DEXI: variants seen among roughly 807,000 people sequenced by gnomAD.
DEXI encodes dexamethasone-induced protein.
DEXI carries 2 observed loss-of-function variants against 2.5 expected under a neutral mutation model. The observed-to-expected ratio is 0.81, with a 90% confidence interval of 0.33 to 2.55. The LOEUF (loss-of-function observed/expected upper bound fraction) is 2.55. Ranked by LOEUF, DEXI falls within the 30% of genes most tolerant of loss-of-function variation. DEXI has a pLI of 0.11. For synonymous variants in DEXI, 71 were observed against 68.7 expected, an observed-to-expected ratio of 1.03 and a Z score of -0.17; for missense variants, 108 against 130.3, an observed-to-expected ratio of 0.83 and a Z score of 0.83.
rs2040669256 is a variant in DEXI, at chr16:10,929,241, T to C, written c.*468A>G. The C allele has an allele frequency of 2.0e-6, 2 of 985,890 alleles. No homozygotes were observed. Among genetic ancestry groups the C allele is most frequent in the Non-Finnish European group, 2.4e-6 (2 of 829,956 alleles). 61.1% of individuals were successfully genotyped at this position (985,890 alleles called of 1,614,324 possible). On this transcript the variant is annotated 3_prime_UTR_variant, in exon 2 of 2. Transcript: ENST00000331808. This position sits in a 1 kb window ranked among gnomAD's most constrained non-coding sequence, Gnocchi z 4.3. The stretch of plus-strand genomic sequence containing the variant: ...CATCAAACGGAGCTGGGAGTCGCTT[T>C]TGCGTGTGTCCGCAGTTTGAAGTGT...
Position 10,929,642 on chromosome 16 carries a change from C to A in DEXI, c.*150-83G>T. 1.1e-6 allele frequency: 1 copy of A among 888,148 alleles called. No individual in the cohort carries two copies. Among genetic ancestry groups the A allele is most frequent in the Non-Finnish European group, 1.3e-6 (1 of 741,324 alleles). 55.0% of individuals were successfully genotyped at this position (888,148 alleles called of 1,614,324 possible). ...TGGCTGGGGACAGGGACCAATCCACCAGGCTCGGGAGGCTTGGGGTGGGGC... is the reference window on the plus strand; with the variant it reads ...TGGCTGGGGACAGGGACCAATCCACAAGGCTCGGGAGGCTTGGGGTGGGGC... On this transcript the variant is annotated intron_variant, in intron 1 of 1. Transcript: ENST00000331808. The surrounding 1 kb of genome is among the most constrained non-coding windows in gnomAD (Gnocchi z 4.3).
chr16:10,932,455 T>G (rs932981635), intron 1 of DEXI: 2 of 152,102 alleles, frequency 1.3e-5, no homozygotes, highest in African/African-American at 2.4e-5. Context: ...ACACAGCTCA[T>G]AAATGGCAGA....
At chr16:10,930,510 T>A (rs1185737487) in intron 1 of DEXI, 1 of 152,168 alleles carries the variant, frequency 6.6e-6, no homozygotes, top group African/African-American at 2.4e-5. Context: ...GACCCATGCA[T>A]CGTATAGGAT....
At chr16:10,935,671 C>T (rs2040995467) in intron 1 of DEXI, 2 of 152,194 alleles carry the variant, frequency 1.3e-5, no homozygotes, top group Admixed American at 1.3e-4. Context: ...TTAACATCGC[C>T]AGAAAGGGGA....
chr16:10,929,229 T>G lies in DEXI; in HGVS notation c.*480A>C. On this transcript the variant is annotated 3_prime_UTR_variant, in exon 2 of 2. Coordinates refer to ENST00000331808, the MANE Select transcript of DEXI (RefSeq NM_014015.4). This position sits in a 1 kb window ranked among gnomAD's most constrained non-coding sequence, Gnocchi z 4.3. ...AGGCTCAACTCACATCAAACGGAGCTGGGAGTCGCTTTTGCGTGTGTCCGC... is the reference window on the plus strand; with the variant it reads ...AGGCTCAACTCACATCAAACGGAGCGGGGAGTCGCTTTTGCGTGTGTCCGC... 1 of 985,898 alleles carries G rather than the reference T, an allele frequency of 1.0e-6. No homozygotes were observed. The highest frequency in any genetic ancestry group is 1.2e-6 in the Non-Finnish European group (1 of 829,962). The allele number at this position is 985,898 out of a possible 1,614,324, so 61.1% of individuals were successfully genotyped here.
chr16:10,933,999 A>G (rs1567464610), intron 1 of DEXI: 1 of 152,214 alleles, frequency 6.6e-6, no homozygotes, highest in Non-Finnish European at 1.5e-5. Context: ...GCACAGGTCC[A>G]TGTCCCTGAG....
Position 10,938,334 on chromosome 16 carries a change from T to C in DEXI, c.*149+3235A>G, listed in dbSNP as rs1385693333. The C allele has an allele frequency of 1.3e-5, 2 of 151,624 alleles. No individual in the cohort carries two copies. The highest frequency in any genetic ancestry group is 2.1e-4 in the South Asian group (1 of 4,806). The allele number at this position is 151,624 out of a possible 1,614,324, so 9.4% of individuals were successfully genotyped here. A position where few individuals can be genotyped will look rare whatever the true frequency, so the allele number is the denominator to read the frequency against. Reference sequence around the variant, plus strand: ...CCTCAAGTAGGTGCTCAGCAAATGTTTGAGGAACTGAATTATGTGGGTCCA... The same window carrying C: ...CCTCAAGTAGGTGCTCAGCAAATGTCTGAGGAACTGAATTATGTGGGTCCA... On this transcript the variant is annotated intron_variant, in intron 1 of 1. Transcript: ENST00000331808. This position sits in a 1 kb window ranked among gnomAD's most constrained non-coding sequence, Gnocchi z 4.9.
chr16:10,940,708 C>T lies in DEXI; in HGVS notation c.*149+861G>A, dbSNP rs769250089. ...GACTATGACCAAGTCTTACTCCTTC[C>T]TGGACCTTCATTTCCCTACCTCTCA... is the stretch of plus-strand genomic sequence containing the variant. On this transcript the variant is annotated intron_variant, in intron 1 of 1. Coordinates refer to ENST00000331808, the MANE Select transcript of DEXI (RefSeq NM_014015.4). The surrounding 1 kb of genome is among the most constrained non-coding windows in gnomAD (Gnocchi z 4.2). The T allele has an allele frequency of 5.2e-5, 8 of 152,386 alleles. No individual in the cohort carries two copies. Among genetic ancestry groups the T allele is most frequent in the Non-Finnish European group, 1.0e-4 (7 of 68,152 alleles). 9.4% of individuals were successfully genotyped at this position (152,386 alleles called of 1,614,324 possible). A position where few individuals can be genotyped will look rare whatever the true frequency, so the allele number is the denominator to read the frequency against.
chr16:10,930,794 T>C (rs1022525954), intron 1 of DEXI: 3 of 152,268 alleles, frequency 2.0e-5, no homozygotes, highest in African/African-American at 7.2e-5. Flanking sequence ...TGCCCTTCTT[T>C]GCTGAGGCCT....
At chr16:10,930,722 T>C (rs2040749524) in intron 1 of DEXI, 3 of 152,204 alleles carry the variant, frequency 2.0e-5, no homozygotes, top group Non-Finnish European at 4.4e-5. Context: ...CCATGAGACC[T>C]TAGCAGAGGC....
At chr16:10,935,044 T>A (rs2040971274) in intron 1 of DEXI, 1 of 152,288 alleles carries the variant, frequency 6.6e-6, no homozygotes, top group East Asian at 1.9e-4. Flanking sequence ...GCACCAACTA[T>A]ACATCATTCA....
intron 1 of DEXI, chr16:10,936,679 G>A (rs573465415): frequency 2.6e-5 from 4 of 152,346 alleles, no homozygotes; most frequent in African/African-American, 9.6e-5. Flanking sequence ...CAGAAACTAT[G>A]AGCTGGTGTT....
rs1307312658 is a variant in DEXI at position 10,938,860 on chromosome 16, C to T, written c.*149+2709G>A. The stretch of plus-strand genomic sequence containing the variant: ...AAACAGCGTTTGCTGCAAAATATGT[C>T]GAAGCATTTGGGATTCAGTTTTTAG... On this transcript the variant is annotated intron_variant, in intron 1 of 1. Coordinates refer to ENST00000331808, the MANE Select transcript of DEXI (RefSeq NM_014015.4). The surrounding 1 kb of genome is among the most constrained non-coding windows in gnomAD (Gnocchi z 4.9). 2 of 152,290 alleles carry T rather than the reference C, an allele frequency of 1.3e-5. No homozygotes were observed. The highest frequency in any genetic ancestry group is 1.9e-4 in the East Asian group (1 of 5,182). The allele number at this position is 152,290 out of a possible 1,614,324, so 9.4% of individuals were successfully genotyped here.
chr16:10,936,873 T>C (rs1028003451), intron 1 of DEXI: 5 of 152,218 alleles, frequency 3.3e-5, no homozygotes, highest in African/African-American at 1.2e-4. Context: ...TGATCTTAGG[T>C]TTCCCAAAAG....
rs2041087199 is a variant in DEXI, at chr16:10,940,462, T to A, written c.*149+1107A>T. On this transcript the variant is annotated intron_variant, in intron 1 of 1. Transcript: ENST00000331808. The surrounding 1 kb of genome is among the most constrained non-coding windows in gnomAD (Gnocchi z 4.2). ...CTGCTTGCGGTGAATGGCATTAGTG[T>A]CCATTTTCCTAAAGGAGCCCTTGCC... 1 of 152,222 alleles carries A rather than the reference T, an allele frequency of 6.6e-6. No individual in the cohort carries two copies. The highest frequency in any genetic ancestry group is 2.4e-5 in the African/African-American group (1 of 41,416). The allele number at this position is 152,222 out of a possible 1,614,324, so 9.4% of individuals were successfully genotyped here. A position where few individuals can be genotyped will look rare whatever the true frequency, so the allele number is the denominator to read the frequency against.
rs900192697 is a variant in DEXI, at chr16:10,939,740, G to C, written c.*149+1829C>G. 1 of 152,252 alleles carries C rather than the reference G, an allele frequency of 6.6e-6. No homozygotes were observed. The highest frequency in any genetic ancestry group is 1.5e-5 in the Non-Finnish European group (1 of 68,056). The allele number at this position is 152,252 out of a possible 1,614,324, so 9.4% of individuals were successfully genotyped here. On this transcript the variant is annotated intron_variant, in intron 1 of 1. Transcript: ENST00000331808. This position sits in a 1 kb window ranked among gnomAD's most constrained non-coding sequence, Gnocchi z 4.9. ...GACCGTCTACTAGAGGCCAGGCACA[G>C]TTTTAAGTGTTGAGGACATGGCAGT...
rs922461783 is a variant in DEXI, at chr16:10,941,842, C to A, written c.164G>T (p.Gly55Val). ...FLMEYIVLNVGLVFLPEDMDQ... is the reference protein window; with the variant it reads ...FLMEYIVLNVVLVFLPEDMDQ... ...CATGTCCTCGGGCAGGAAGACGAGG[C>A]CCACGTTGAGGACGATGTACTCCAT... The change falls in exon 1 of 2, where the codon GGC becomes GTC. Residue 55 changes from glycine to valine, a missense_variant. By Grantham distance (109) the Gly-to-Val change is moderately radical. Transcript: ENST00000331808. The surrounding 1 kb of genome is among the most constrained non-coding windows in gnomAD (Gnocchi z 6.4). 6.2e-7 allele frequency: 1 copy of A among 1,613,172 alleles called. No individual in the cohort carries two copies. The highest frequency in any genetic ancestry group is 2.2e-5 in the East Asian group (1 of 44,886).
chr16:10,941,736 A>G lies in DEXI; in HGVS notation c.270T>C (p.Phe90=). The change falls in exon 1 of 2, where the codon TTT becomes TTC. Residue 90 remains phenylalanine, a synonymous_variant. Coordinates refer to ENST00000331808, the MANE Select transcript of DEXI (RefSeq NM_014015.4). This position sits in a 1 kb window ranked among gnomAD's most constrained non-coding sequence, Gnocchi z 6.4. ...LYDADSELDV[F]DAYLE is the part of the protein sequence containing the mutation. ...CGAGACCCTACTCCAAGTACGCATC[A>G]AAGACGTCGAGCTCCGAGTCAGCAT... 3.1e-6 allele frequency: 5 copies of G among 1,611,032 alleles called. No individual in the cohort carries two copies. The highest frequency in any genetic ancestry group is 4.2e-6 in the Non-Finnish European group (5 of 1,178,494).
At position 10,942,274 on chromosome 16, in the gene DEXI, G is replaced by T. The variant is rs1283096059; in HGVS notation, c.-269C>A. ...CCCTGAAGTGGCCCGCGGCTGCCCGGCTCCCTCGTGGCGCCTCCCTGGCGC... is the reference window on the plus strand; with the variant it reads ...CCCTGAAGTGGCCCGCGGCTGCCCGTCTCCCTCGTGGCGCCTCCCTGGCGC... On this transcript the variant is annotated 5_prime_UTR_variant, in exon 1 of 2. Coordinates refer to ENST00000331808, the MANE Select transcript of DEXI (RefSeq NM_014015.4). The surrounding 1 kb of genome is among the most constrained non-coding windows in gnomAD (Gnocchi z 5.0). 3 of 330,720 alleles carry T rather than the reference G, an allele frequency of 9.1e-6. No homozygotes were observed. The highest frequency in any genetic ancestry group is 1.7e-5 in the Non-Finnish European group (3 of 181,182). 20.5% of individuals were successfully genotyped at this position (330,720 alleles called of 1,614,324 possible).
Sources: allele counts gnomAD v4.1 joint callset, GRCh38; gene constraint gnomAD v4.1.1; non-coding constraint Gnocchi (gnomAD v3.1); transcripts MANE v1.5; gene names NCBI Gene and HGNC (gene_info 2026-07-23, HGNC 2026-07-21).